The following MAP2K6 variants were observed in gnomAD, a reference collection of about 807,000 sequenced individuals.
The protein encoded by MAP2K6 is dual specificity mitogen-activated protein kinase kinase 6.
In MAP2K6, 16 loss-of-function variants were observed where a neutral mutation model predicts 53.7. The observed-to-expected ratio is 0.30, with a 90% CI of 0.20 to 0.45. The LOEUF (loss-of-function observed/expected upper bound fraction) is 0.45, where lower values mean the gene tolerates loss of function less well. MAP2K6 is among the 20% of genes least tolerant of loss of function. The pLI is 1.00. For missense variants in MAP2K6, 204 were observed against 411.9 expected (o/e 0.50, Z 4.37); for synonymous variants, 132 against 143.1 (o/e 0.92, Z 0.55).
At chr17:69,521,535 A>G (rs758249034) in intron 7 of MAP2K6, 1 of 155,776 alleles carries the variant, frequency 6.4e-6, no homozygotes, top group Non-Finnish European at 1.4e-5. Flanking sequence ...ACTCTGGTAT[A>G]AAGTAGAGCC....
At chr17:69,415,818 C>A (rs1400827643) in intron 1 of MAP2K6, among the ~76,000 whole-genome samples, 2 of 152,108 alleles carry the variant, frequency 1.3e-5, no homozygotes, top group South Asian at 4.1e-4. Context: ...TGTGTAACTG[C>A]GTGTATTTAG....
chr17:69,463,713 T>C (rs1459966749), intron 1 of MAP2K6, among the ~76,000 whole-genome samples: 1 of 151,668 alleles, frequency 6.6e-6, no homozygotes, highest in African/African-American at 2.4e-5. Context: ...AATACATATA[T>C]GTATATTAGT....
chr17:69,474,641 G>A (rs1908079230), intron 1 of MAP2K6, among the ~76,000 whole-genome samples: 1 of 152,322 alleles, frequency 6.6e-6, no homozygotes, highest in African/African-American at 2.4e-5. Context: ...GAGGATTAAA[G>A]CTCTGGACAA....
chr17:69,533,457 C>T (rs1453383487), intron 10 of MAP2K6, among the ~76,000 whole-genome samples: 2 of 152,138 alleles, frequency 1.3e-5, no homozygotes, highest in African/African-American at 4.8e-5. Context: ...ACAAGCTTTT[C>T]TTCCTGACAT....
chr17:69,491,944 T>C (rs2716221), intron 1 of MAP2K6, among the ~76,000 whole-genome samples: 96,486 of 151,824 alleles, frequency 0.64, 30,842 homozygotes, highest in Middle Eastern at 0.74. Context: ...GTTAGCCACA[T>C]GTATATCTTC....
chr17:69,455,917 A>G lies in MAP2K6; in HGVS notation c.16+40917A>G, dbSNP rs183946355. Among the ~76,000 whole-genome samples the G allele has an allele frequency of 8.9e-4, 125 of 140,634 alleles. No individual in the cohort carries two copies. The Middle Eastern group carries it at 0.012, about 13-fold the overall frequency. The allele number at this position is 140,634 out of a possible 152,430, so 92.3% of individuals were successfully genotyped here. ...CTCTCGTTGCCCAGGCTGGAGTGCAATGGCGCGATCTTGGCTCACTGCAAA... is the reference window on the plus strand; with the variant it reads ...CTCTCGTTGCCCAGGCTGGAGTGCAGTGGCGCGATCTTGGCTCACTGCAAA... On this transcript the variant is annotated intron_variant, in intron 1 of 11. Transcript: ENST00000590474.
chr17:69,488,590 A>G (rs1449773456), intron 1 of MAP2K6, among the ~76,000 whole-genome samples: 1 of 152,222 alleles, frequency 6.6e-6, no homozygotes, highest in East Asian at 1.9e-4. Context: ...CTATTCAGCT[A>G]TAAAAAAGAA....
At chr17:69,463,483 C>A (rs1430408031) in intron 1 of MAP2K6, among the ~76,000 whole-genome samples, 2 of 149,486 alleles carry the variant, frequency 1.3e-5, no homozygotes, top group African/African-American at 4.9e-5. Flanking sequence ...TATATACACA[C>A]ATATATGCAC....
intron 1 of MAP2K6, among the ~76,000 whole-genome samples, chr17:69,445,786 GACAGGACATAC>G (rs1172430696): frequency 2.0e-5 from 3 of 152,172 alleles, no homozygotes; most frequent in Non-Finnish European, 4.4e-5. Flanking sequence ...TAATTGGGTT[GACAGGACATAC>G]ACACTACCTT....
rs77308249 is a variant in MAP2K6, at chr17:69,421,114, A to G, written c.16+6114A>G. The stretch of plus-strand genomic sequence containing the variant: ...CTTATAAATAATAGGTGCTCAAAAA[A>G]TGTCTGACAATGAAAGTATTTTTCA... On this transcript the variant is annotated intron_variant, in intron 1 of 11. Coordinates refer to ENST00000590474, the MANE Select transcript of MAP2K6 (RefSeq NM_002758.4). Among the ~76,000 whole-genome samples, 765 of 152,366 alleles carry G rather than the reference A, an allele frequency of 5.0e-3. 12 individuals carry two copies. The highest frequency in any genetic ancestry group is 0.017 in the African/African-American group (724 of 41,594).
At chr17:69,520,440 T>C in intron 6 of MAP2K6, 54 bp downstream of exon 6, 2 of 1,078,946 alleles carry the variant, frequency 1.9e-6, no homozygotes, top group Non-Finnish European at 2.8e-6. Flanking sequence ...AAAGTCCCTA[T>C]GTGTCTTTGG....
intron 1 of MAP2K6, among the ~76,000 whole-genome samples, chr17:69,416,833 T>G (rs1399300652): frequency 1.3e-5 from 2 of 152,192 alleles, no homozygotes; most frequent in Non-Finnish European, 2.9e-5. Flanking sequence ...GAGGGTGGTG[T>G]TTACTGTGAT....
chr17:69,433,491 C>G (rs757520906), intron 1 of MAP2K6: 10 of 152,220 alleles, frequency 6.6e-5, no homozygotes, highest in African/African-American at 2.4e-4. Context: ...TTTATTCAGT[C>G]GGTCATCTGC....
Position 69,523,381 on chromosome 17 carries a change from AGTTACTTCTGT to A in MAP2K6, c.536-129_536-119del, listed in dbSNP as rs555488833. On this transcript the variant is annotated intron_variant, in intron 7 of 11. Coordinates refer to ENST00000590474, the MANE Select transcript of MAP2K6 (RefSeq NM_002758.4). ...TTGTTAACTGTGGGTCAGGGATGGCAGTTACTTCTGTGTTGGGCAGCTTGGGGAAAGGAAGA... is the reference window on the plus strand; with the variant it reads ...TTGTTAACTGTGGGTCAGGGATGGCAGTTGGGCAGCTTGGGGAAAGGAAGA... 5.6e-5 allele frequency: 58 copies of A among 1,033,398 alleles called. No homozygotes were observed. The South Asian group carries it at 8.3e-4, about 15-fold the overall frequency. The allele number at this position is 1,033,398 out of a possible 1,614,324, so 64.0% of individuals were successfully genotyped here. A position where few individuals can be genotyped will look rare whatever the true frequency, so the allele number is the denominator to read the frequency against.
At chr17:69,515,702 T>C (rs1441511117) in intron 2 of MAP2K6, among the ~76,000 whole-genome samples, 2 of 152,204 alleles carry the variant, frequency 1.3e-5, no homozygotes, top group Non-Finnish European at 2.9e-5. Flanking sequence ...GAAGAAATAT[T>C]GCTGGGCTTG....
intron 1 of MAP2K6, chr17:69,485,613 T>C (rs1023266593): frequency 1.1e-5 from 2 of 185,142 alleles, no homozygotes; most frequent in African/African-American, 4.8e-5. Flanking sequence ...TATACATCTA[T>C]ACTGAGTGCC....
intron 1 of MAP2K6, among the ~76,000 whole-genome samples, chr17:69,498,650 CCACACACACACACACACA>C (rs3222089): frequency 9.6e-5 from 14 of 145,534 alleles, no homozygotes; most frequent in Admixed American, 7.6e-4. Flanking sequence ...CACCTGGAAG[CCACACACACACACACACA>C]CACACACACA....
chr17:69,428,937 C>T (rs1906363503), intron 1 of MAP2K6, among the ~76,000 whole-genome samples: 1 of 147,756 alleles, frequency 6.8e-6, no homozygotes, highest in South Asian at 2.1e-4. Context: ...AGAGAACACA[C>T]ACACACACAC....
At chr17:69,497,572 A>G (rs758441244) in intron 1 of MAP2K6, among the ~76,000 whole-genome samples, 2 of 152,116 alleles carry the variant, frequency 1.3e-5, no homozygotes, top group African/African-American at 2.4e-5. Context: ...CCTCTACTGA[A>G]AAACATACAT....
Sources: gnomAD v4.1 joint callset for allele counts (sites outside exome capture counted in the v4.1 genomes callset) on GRCh38, gnomAD v4.1.1 for gene constraint, MANE v1.5 for transcripts, NCBI Gene and HGNC (gene_info 2026-07-23, HGNC 2026-07-21) for gene names.